Variants in ARHGAP15 observed in about 807,000 individuals in gnomAD.
ARHGAP15 encodes rho GTPase-activating protein 15.
In ARHGAP15, 51 loss-of-function variants were observed where a neutral mutation model predicts 63.7. That is an observed-to-expected ratio of 0.80 (90% CI 0.64 to 1.01). The LOEUF is 1.01. ARHGAP15 is among the 50% of genes least tolerant of loss of function. ARHGAP15 has a pLI of 0.00. For missense variants in ARHGAP15, 560 were observed against 564.6 expected, an observed-to-expected ratio of 0.99 and a Z score of 0.08; for synonymous variants, 191 against 193.8, an observed-to-expected ratio of 0.99 and a Z score of 0.12.
chr2:143,505,635 C>G (rs1693275313), intron 9 of ARHGAP15, among the ~76,000 whole-genome samples: 2 of 152,164 alleles, frequency 1.3e-5, no homozygotes, highest in South Asian at 4.1e-4. Context: ...CTCAGAACAG[C>G]CCATGGGGAA....
At chr2:143,485,695 A>G (rs918609443) in intron 8 of ARHGAP15, among the ~76,000 whole-genome samples, 34 of 152,160 alleles carry the variant, frequency 2.2e-4, no homozygotes, top group Admixed American at 2.2e-3. Flanking sequence ...TGCTGCTGGC[A>G]TATTGTGGGT....
chr2:143,417,938 A>T (rs1688755709), intron 6 of ARHGAP15, among the ~76,000 whole-genome samples: 4 of 152,228 alleles, frequency 2.6e-5, no homozygotes, highest in Admixed American at 2.0e-4. Context: ...AAAAACCTGG[A>T]TCCACAATTG....
chr2:143,591,743 C>T (rs5016238), intron 11 of ARHGAP15, among the ~76,000 whole-genome samples: 122,728 of 151,444 alleles, frequency 0.81, 49,843 homozygotes, highest in South Asian at 0.83. Flanking sequence ...CCTCAGCCTC[C>T]TGAGTAGCTG....
chr2:143,713,377 C>T lies in ARHGAP15; in HGVS notation c.1244+9853C>T, dbSNP rs113394290. Reference sequence around the variant, plus strand: ...CAGCCCCCATGATCCAATTACCTCCCGCTGGGTCCCTCCCATAGCACGTGG... The same window carrying T: ...CAGCCCCCATGATCCAATTACCTCCTGCTGGGTCCCTCCCATAGCACGTGG... On this transcript the variant is annotated intron_variant, in intron 13 of 13. Coordinates refer to ENST00000295095, the MANE Select transcript of ARHGAP15 (RefSeq NM_018460.4). Among the ~76,000 whole-genome samples, 573 of 152,216 alleles carry T rather than the reference C, an allele frequency of 3.8e-3. 2 individuals carry two copies. Among genetic ancestry groups the T allele is most frequent in the Non-Finnish European group, 5.5e-3 (375 of 68,006 alleles).
At chr2:143,296,956 C>A (rs1372298405) in intron 6 of ARHGAP15, among the ~76,000 whole-genome samples, 1 of 151,856 alleles carries the variant, frequency 6.6e-6, no homozygotes, top group Non-Finnish European at 1.5e-5. Flanking sequence ...GGATAATAGC[C>A]AAATATACCT....
At chr2:143,184,829 T>A (rs1691375850) in intron 2 of ARHGAP15, among the ~76,000 whole-genome samples, 2 of 150,708 alleles carry the variant, frequency 1.3e-5, no homozygotes, top group African/African-American at 4.9e-5. Flanking sequence ...TACACCACGA[T>A]GCCCAGCTTT....
At chr2:143,692,207 G>C (rs1471830525) in intron 12 of ARHGAP15, among the ~76,000 whole-genome samples, 1 of 152,134 alleles carries the variant, frequency 6.6e-6, no homozygotes, top group African/African-American at 2.4e-5. Context: ...AATTGGGGCA[G>C]GGGGGCAGGG....
At chr2:143,412,339 C>A (rs571987905) in intron 6 of ARHGAP15, among the ~76,000 whole-genome samples, 2 of 145,672 alleles carry the variant, frequency 1.4e-5, no homozygotes, top group South Asian at 2.3e-4. Flanking sequence ...TCTGGTTGGA[C>A]TTTTCAAATA....
intron 6 of ARHGAP15, among the ~76,000 whole-genome samples, chr2:143,386,473 T>C (rs1208536060): frequency 6.6e-6 from 1 of 152,182 alleles, no homozygotes; most frequent in African/African-American, 2.4e-5. Flanking sequence ...CAATGCCTAC[T>C]GAAGACTCAT....
intron 8 of ARHGAP15, among the ~76,000 whole-genome samples, chr2:143,442,908 T>G (rs1466324660): frequency 6.6e-6 from 1 of 152,196 alleles, no homozygotes; most frequent in Admixed American, 6.5e-5. Flanking sequence ...AGATCAAATT[T>G]TCTGAATATA....
chr2:143,667,742 C>G (rs1054679985), intron 12 of ARHGAP15, among the ~76,000 whole-genome samples: 1 of 151,772 alleles, frequency 6.6e-6, no homozygotes, highest in African/African-American at 2.4e-5. Context: ...ACCTGTAATC[C>G]CAGCACTTCA....
chr2:143,754,480 G>A (rs1351960886), intron 13 of ARHGAP15, among the ~76,000 whole-genome samples: 1 of 152,070 alleles, frequency 6.6e-6, no homozygotes, highest in Non-Finnish European at 1.5e-5. Context: ...AGAGTACTCT[G>A]TGAGCTATCT....
intron 6 of ARHGAP15, among the ~76,000 whole-genome samples, chr2:143,336,206 G>T (rs577511524): frequency 6.6e-6 from 1 of 151,960 alleles, no homozygotes; most frequent in Non-Finnish European, 1.5e-5. Flanking sequence ...ACAAGATTTC[G>T]CCATGTTGCC....
intron 12 of ARHGAP15, among the ~76,000 whole-genome samples, chr2:143,626,583 T>G (rs1181390661): frequency 6.6e-6 from 1 of 152,052 alleles, no homozygotes; most frequent in Non-Finnish European, 1.5e-5. Flanking sequence ...CTGGCTGGGG[T>G]GGCCAGCTTT....
intron 6 of ARHGAP15, among the ~76,000 whole-genome samples, chr2:143,366,586 C>T (rs1480794073): frequency 3.9e-5 from 6 of 151,954 alleles, no homozygotes; most frequent in Non-Finnish European, 5.9e-5. Flanking sequence ...ATTTTGGTAT[C>T]GACTTTTTGT....
At chr2:143,489,492 T>C (rs1425796430) in intron 9 of ARHGAP15, among the ~76,000 whole-genome samples, 2 of 152,224 alleles carry the variant, frequency 1.3e-5, no homozygotes, top group African/African-American at 4.8e-5. Flanking sequence ...TTCTTGGGCT[T>C]GTTTCAGTTT....
At chr2:143,465,685 A>G (rs1203696257) in intron 8 of ARHGAP15, among the ~76,000 whole-genome samples, 1 of 135,256 alleles carries the variant, frequency 7.4e-6, no homozygotes, top group Non-Finnish European at 1.6e-5. Context: ...ATTACCTTTT[A>G]GATGCTAATA....
chr2:143,668,530 G>A (rs1559115580), intron 12 of ARHGAP15, among the ~76,000 whole-genome samples: 1 of 150,640 alleles, frequency 6.6e-6, no homozygotes, highest in African/African-American at 2.4e-5. Flanking sequence ...TAAAACCCAT[G>A]CTTTAAACTA....
intron 8 of ARHGAP15, among the ~76,000 whole-genome samples, chr2:143,465,779 C>T (rs1409110152): frequency 6.6e-6 from 1 of 151,918 alleles, no homozygotes; most frequent in Non-Finnish European, 1.5e-5. Context: ...AGTTTACCTT[C>T]TGTTATATTA....
Sources: allele counts gnomAD v4.1 joint callset (sites outside exome capture counted in the v4.1 genomes callset), GRCh38; gene constraint gnomAD v4.1.1; transcripts MANE v1.5; gene names NCBI Gene and HGNC (gene_info 2026-07-23, HGNC 2026-07-21).